The following SLC6A11 variants were observed in gnomAD, a reference collection of about 807,000 sequenced individuals.
SLC6A11 encodes the protein solute carrier family 6 member 11.
Under a neutral mutation model 74.8 loss-of-function variants are expected in SLC6A11, and 25 were observed. The observed-to-expected ratio is 0.33, with a 90% CI of 0.24 to 0.47. SLC6A11 has a LOEUF of 0.47. Among genes scored for constraint, SLC6A11 ranks in the 20% least tolerant of loss-of-function variants. The probability of loss-of-function intolerance (pLI) is 1.00; values close to 1 mark genes in which losing one functional copy is unlikely to be tolerated. For missense variants in SLC6A11, 574 were observed against 837.0 expected, an observed-to-expected ratio of 0.69 and a Z score of 3.88; for synonymous variants, 330 against 330.2, an observed-to-expected ratio of 1.00 and a Z score of 0.01.
intron 4 of SLC6A11, among the ~76,000 whole-genome samples, chr3:10,843,885 ATAGGATGTT>A (rs1430032416): frequency 6.6e-6 from 1 of 152,246 alleles, no homozygotes. Flanking sequence ...AGGGAGGAAC[ATAGGATGTT>A]TATGACTGGT....
intron 6 of SLC6A11, among the ~76,000 whole-genome samples, chr3:10,907,307 A>G (rs910141515): frequency 6.6e-6 from 1 of 152,186 alleles, no homozygotes; most frequent in Non-Finnish European, 1.5e-5. Context: ...ATGACAAAGC[A>G]AACAGAAGAT....
At chr3:10,928,072 A>T (rs1245659740) in intron 9 of SLC6A11, among the ~76,000 whole-genome samples, 3 of 152,274 alleles carry the variant, frequency 2.0e-5, no homozygotes, top group East Asian at 1.9e-4. Context: ...TCATTTACAA[A>T]ATGGGAATAA....
At chr3:10,907,790 A>T (rs189209902) in intron 6 of SLC6A11, among the ~76,000 whole-genome samples, 1 of 152,378 alleles carries the variant, frequency 6.6e-6, no homozygotes, top group Admixed American at 6.5e-5. Context: ...TTCGAGTATG[A>T]AAGTCACGGA....
intron 5 of SLC6A11, among the ~76,000 whole-genome samples, chr3:10,873,430 CT>C (rs2106603160): frequency 1.3e-5 from 2 of 151,012 alleles, no homozygotes; most frequent in Admixed American, 6.6e-5. Context: ...CTATCCTATC[CT>C]ATCCTATCCT....
chr3:10,889,651 C>T (rs1695085014), intron 6 of SLC6A11, among the ~76,000 whole-genome samples: 1 of 152,202 alleles, frequency 6.6e-6, no homozygotes, highest in African/African-American at 2.4e-5. Context: ...TGCTGACTCC[C>T]TCAGGCCCCA....
rs1419602402 is a variant in SLC6A11, at chr3:10,823,314, A to C, written c.545A>C (p.Glu182Ala). 3 of 1,610,712 alleles carry C rather than the reference A, an allele frequency of 1.9e-6. No homozygotes were observed. The highest frequency in any genetic ancestry group is 2.5e-6 in the Non-Finnish European group (3 of 1,177,066). The change falls in exon 4 of 14, where the codon GAG becomes GCG. Residue 182 changes from glutamate to alanine, a missense_variant. By Grantham distance (107) the Glu-to-Ala change is moderately radical (BLOSUM62 -1). Coordinates refer to ENST00000254488, the MANE Select transcript of SLC6A11 (RefSeq NM_014229.3). ...GTTTCCACTGTAGAGAATTGTGTGG[A>C]GTTCCAGAAACTGAATGTGAGCAAC... is the stretch of plus-strand genomic sequence containing the variant. ...GHEWNTENCV[E>A]FQKLNVSNYS...
intron 8 of SLC6A11, among the ~76,000 whole-genome samples, chr3:10,919,820 C>T (rs1695512357): frequency 6.6e-6 from 1 of 152,186 alleles, no homozygotes; most frequent in Non-Finnish European, 1.5e-5. Context: ...TTTGCTACCC[C>T]CATTTTACAG....
At chr3:10,829,687 T>G (rs907834665) in intron 4 of SLC6A11, among the ~76,000 whole-genome samples, 28 of 152,284 alleles carry the variant, frequency 1.8e-4, no homozygotes, top group African/African-American at 6.3e-4. Context: ...TGATGTATGG[T>G]AAACGTACCC....
chr3:10,894,565 A>C (rs1695147988), intron 6 of SLC6A11, among the ~76,000 whole-genome samples: 1 of 152,208 alleles, frequency 6.6e-6, no homozygotes, highest in Non-Finnish European at 1.5e-5. Context: ...ATGTGATCTC[A>C]CTTATCCTGT....
At chr3:10,920,308 G>GA (rs3836460) in intron 8 of SLC6A11, among the ~76,000 whole-genome samples, 13 of 151,830 alleles carry the variant, frequency 8.6e-5, no homozygotes, top group African/African-American at 3.1e-4. Context: ...ATTAACAGAA[G>GA]AAAAAAAAAT....
At chr3:10,917,882 G>A (rs1402256200) in intron 7 of SLC6A11, among the ~76,000 whole-genome samples, 1 of 152,138 alleles carries the variant, frequency 6.6e-6, no homozygotes, top group Non-Finnish European at 1.5e-5. Context: ...CGGAGCTTCA[G>A]GTGCAAGGCC....
chr3:10,909,938 C>A (rs886155148), intron 6 of SLC6A11, among the ~76,000 whole-genome samples: 1 of 152,196 alleles, frequency 6.6e-6, no homozygotes, highest in African/African-American at 2.4e-5. Context: ...AAACCTCCCC[C>A]AAATTGTATT....
intron 6 of SLC6A11, among the ~76,000 whole-genome samples, chr3:10,875,470 C>T (rs916404530): frequency 2.0e-5 from 3 of 152,170 alleles, no homozygotes; most frequent in Non-Finnish European, 4.4e-5. Context: ...GCTAACAGGA[C>T]TGCAGTTCAT....
intron 4 of SLC6A11, among the ~76,000 whole-genome samples, chr3:10,839,157 T>C (rs7629978): frequency 0.28 from 42,302 of 151,930 alleles, 6,363 homozygotes; most frequent in South Asian, 0.51. Context: ...TTTCTCCCTC[T>C]TTCCATCTCT....
At chr3:10,864,444 C>T (rs1476386107) in intron 5 of SLC6A11, among the ~76,000 whole-genome samples, 1 of 151,808 alleles carries the variant, frequency 6.6e-6, no homozygotes, top group Admixed American at 6.6e-5. Context: ...CAATGGAGAG[C>T]CCCCAAGCTC....
intron 4 of SLC6A11, among the ~76,000 whole-genome samples, chr3:10,840,486 G>A (rs192237831): frequency 3.3e-5 from 5 of 152,206 alleles, no homozygotes; most frequent in East Asian, 1.9e-4. Context: ...ACTAGACCAC[G>A]GGCTCTTTAA....
chr3:10,906,817 G>A (rs915308548), intron 6 of SLC6A11, among the ~76,000 whole-genome samples: 1 of 152,148 alleles, frequency 6.6e-6, no homozygotes, highest in Non-Finnish European at 1.5e-5. Flanking sequence ...ATTTCAGAAA[G>A]TACTATCTGT....
intron 8 of SLC6A11, among the ~76,000 whole-genome samples, chr3:10,923,200 A>G (rs1695558787): frequency 6.6e-6 from 1 of 151,768 alleles, no homozygotes; most frequent in Non-Finnish European, 1.5e-5. Flanking sequence ...CTCCACAGTT[A>G]TGAGCACACC....
intron 11 of SLC6A11, 50 bp downstream of exon 11, chr3:10,933,303 A>T: frequency 1.5e-6 from 2 of 1,306,626 alleles, no homozygotes; most frequent in Non-Finnish European, 2.2e-6. Flanking sequence ...CCAGGTACCC[A>T]GGATCCTGGT....
Sources: gnomAD v4.1 joint callset for allele counts (sites outside exome capture counted in the v4.1 genomes callset) on GRCh38, gnomAD v4.1.1 for gene constraint, MANE v1.5 for transcripts, NCBI Gene and HGNC (gene_info 2026-07-23, HGNC 2026-07-21) for gene names.